The following ADAMTS19 variants were observed in gnomAD, a reference collection of about 807,000 sequenced individuals.
ADAMTS19 encodes A disintegrin and metalloproteinase with thrombospondin motifs 19.
ADAMTS19 carries 93 observed loss-of-function variants against 153.3 expected under a neutral mutation model. That is an observed-to-expected ratio of 0.61 (90% confidence interval 0.51 to 0.72). ADAMTS19 has a LOEUF of 0.72. Ranked by LOEUF, ADAMTS19 falls within the 30% of genes least tolerant of loss-of-function variation. ADAMTS19 has a pLI of 0.00. For synonymous variants in ADAMTS19, 600 were observed against 556.6 expected, an observed-to-expected ratio of 1.08 and a Z score of -1.10; for missense variants, 1,482 against 1,552.1, an observed-to-expected ratio of 0.95 and a Z score of 0.76.
chr5:129,620,488 A>G (rs925544339), intron 8 of ADAMTS19, 130 bp from the exon 9 acceptor site: 6 of 558,022 alleles, frequency 1.1e-5, no homozygotes, highest in African/African-American at 3.9e-5. Flanking sequence ...TTTTGAAACT[A>G]ATTTCCTTAA....
intron 22 of ADAMTS19, 29 bp from the exon 23 acceptor site, chr5:129,737,038 G>A (rs1205891693): frequency 1.3e-6 from 2 of 1,553,514 alleles, no homozygotes; most frequent in Admixed American, 1.8e-5. Flanking sequence ...TATCTGCATG[G>A]AGTGAATTCA....
rs988965277 is a variant in ADAMTS19, at chr5:129,530,467, C to T, written c.1328+1790C>T. Among the ~76,000 whole-genome samples, 6 of 152,166 alleles carry T rather than the reference C, an allele frequency of 3.9e-5. No homozygotes were observed. The South Asian group carries it at 1.2e-3, about 32-fold the overall frequency. ...AATTTCCATCAGCCAGTGGGTTGAG[C>T]GTTGTGGGGAGCAGAGGGAACATTG... On this transcript the variant is annotated intron_variant, in intron 6 of 22. Coordinates refer to ENST00000274487, the MANE Select transcript of ADAMTS19 (RefSeq NM_133638.6).
Position 129,476,278 on chromosome 5 carries a change from A to T in ADAMTS19, c.747+14521A>T, listed in dbSNP as rs1004531087. Among the ~76,000 whole-genome samples, 8 of 152,338 alleles carry T rather than the reference A, an allele frequency of 5.3e-5. No individual in the cohort carries two copies. In the South Asian group the frequency reaches 8.3e-4, roughly 16 times the overall value. ...TTAAATTCCATAAAGGATTTATGAG[A>T]ACAAGTAATCTAAGCTACTCATTTG... On this transcript the variant is annotated intron_variant, in intron 2 of 22. Transcript: ENST00000274487.
At chr5:129,486,668 G>A (rs1750603719) in intron 2 of ADAMTS19, among the ~76,000 whole-genome samples, 1 of 151,922 alleles carries the variant, frequency 6.6e-6, no homozygotes. Flanking sequence ...CCCCTATTAT[G>A]AGAAATAAGA....
intron 2 of ADAMTS19, among the ~76,000 whole-genome samples, chr5:129,462,248 G>A (rs10044865): frequency 6.6e-6 from 1 of 152,076 alleles, no homozygotes; most frequent in Admixed American, 6.5e-5. Flanking sequence ...GGATTACTCT[G>A]ACAGTTGTCT....
Position 129,619,778 on chromosome 5 carries a change from A to G in ADAMTS19, c.1479-840A>G, listed in dbSNP as rs542752363. ...GTAACTATAGGATAGAAGGGAGATG[A>G]CAGTTGAGTGAAACACTTAGAAGGT... On this transcript the variant is annotated intron_variant, in intron 8 of 22. Transcript: ENST00000274487. 2.0e-5 allele frequency among the ~76,000 whole-genome samples: 3 copies of G among 152,196 alleles called. No individual in the cohort carries two copies. The South Asian group carries it at 6.2e-4, about 32-fold the overall frequency.
intron 6 of ADAMTS19, among the ~76,000 whole-genome samples, chr5:129,548,007 C>G (rs1439350138): frequency 2.7e-5 from 4 of 150,630 alleles, no homozygotes; most frequent in Non-Finnish European, 1.5e-5. Flanking sequence ...TTCCTTACAC[C>G]TTATACAAAA....
At chr5:129,543,222 TG>T (rs1392364741) in intron 6 of ADAMTS19, among the ~76,000 whole-genome samples, 1 of 151,928 alleles carries the variant, frequency 6.6e-6, no homozygotes, top group African/African-American at 2.4e-5. Flanking sequence ...GCTAATTTTT[TG>T]TATTTTTTTT....
At chr5:129,704,787 G>T (rs557544987) in intron 21 of ADAMTS19, among the ~76,000 whole-genome samples, 1 of 152,166 alleles carries the variant, frequency 6.6e-6, no homozygotes. Flanking sequence ...AGGGAACTCA[G>T]CTCTTACTAG....
intron 21 of ADAMTS19, among the ~76,000 whole-genome samples, chr5:129,704,960 A>T (rs1481057593): frequency 6.6e-6 from 1 of 152,202 alleles, no homozygotes; most frequent in Non-Finnish European, 1.5e-5. Context: ...TTTAAAGTTT[A>T]TATGAGTAAA....
intron 3 of ADAMTS19, among the ~76,000 whole-genome samples, chr5:129,511,315 A>G (rs1442432258): frequency 2.0e-5 from 3 of 151,812 alleles, no homozygotes; most frequent in Non-Finnish European, 4.4e-5. Flanking sequence ...TTTTAAAATG[A>G]CTTTGTTGTG....
intron 2 of ADAMTS19, among the ~76,000 whole-genome samples, chr5:129,508,242 T>C (rs1189366883): frequency 6.6e-6 from 1 of 151,988 alleles, no homozygotes; most frequent in African/African-American, 2.4e-5. Context: ...TATAGTTGAA[T>C]GTATGCTATC....
At chr5:129,668,293 T>C (rs1754141666) in intron 16 of ADAMTS19, among the ~76,000 whole-genome samples, 1 of 152,180 alleles carries the variant, frequency 6.6e-6, no homozygotes, top group African/African-American at 2.4e-5. Context: ...CAACTTAATA[T>C]CTGTAATTTT....
intron 6 of ADAMTS19, among the ~76,000 whole-genome samples, chr5:129,549,815 CATGTAT>C: frequency 6.9e-6 from 1 of 144,518 alleles, no homozygotes; most frequent in African/African-American, 2.6e-5. Flanking sequence ...TATACATATA[CATGTAT>C]CCGTATATGT....
chr5:129,732,066 T>G (rs1372233135), intron 21 of ADAMTS19, among the ~76,000 whole-genome samples: 4 of 152,268 alleles, frequency 2.6e-5, no homozygotes, highest in African/African-American at 9.6e-5. Flanking sequence ...GATATATGTA[T>G]GAAACCAAGA....
At chr5:129,643,377 A>C (rs1304435675) in intron 11 of ADAMTS19, among the ~76,000 whole-genome samples, 1 of 149,344 alleles carries the variant, frequency 6.7e-6, no homozygotes, top group East Asian at 2.0e-4. Flanking sequence ...CAAAAAAAAA[A>C]AAAAAAAAAG....
intron 7 of ADAMTS19, among the ~76,000 whole-genome samples, chr5:129,580,889 A>G (rs929800465): frequency 6.6e-6 from 1 of 152,132 alleles, no homozygotes; most frequent in African/African-American, 2.4e-5. Flanking sequence ...TTGGCCTGAA[A>G]TTCTCTTTTT....
intron 17 of ADAMTS19, among the ~76,000 whole-genome samples, chr5:129,680,728 C>T (rs1164235434): frequency 1.3e-5 from 2 of 150,092 alleles, no homozygotes; most frequent in Non-Finnish European, 3.0e-5. Context: ...AGCCACTGCA[C>T]TCCAGCCTGG....
intron 21 of ADAMTS19, among the ~76,000 whole-genome samples, chr5:129,720,275 G>A (rs1446628759): frequency 6.6e-6 from 1 of 151,050 alleles, no homozygotes; most frequent in East Asian, 2.0e-4. Flanking sequence ...GGGTTCAAGC[G>A]ATTCTTGTTC....
Sources: allele counts gnomAD v4.1 joint callset (sites outside exome capture counted in the v4.1 genomes callset), GRCh38; gene constraint gnomAD v4.1.1; transcripts MANE v1.5; gene names NCBI Gene and HGNC (gene_info 2026-07-23, HGNC 2026-07-21).